Variants in CNTNAP2 observed in about 807,000 individuals in gnomAD.
CNTNAP2 encodes the protein contactin associated protein 2, also known as contactin-associated protein-like 2.
In CNTNAP2, 98 loss-of-function variants were observed where a neutral mutation model predicts 155.2. That is an observed-to-expected ratio of 0.63 (90% CI 0.54 to 0.75). The LOEUF (loss-of-function observed/expected upper bound fraction) is 0.75. Ranked by LOEUF, CNTNAP2 falls within the 30% of genes least tolerant of loss-of-function variation. The pLI is 0.00. For missense variants in CNTNAP2, 1,727 were observed against 1,688.1 expected, an observed-to-expected ratio of 1.02 and a Z score of -0.40; for synonymous variants, 651 against 631.2, an observed-to-expected ratio of 1.03 and a Z score of -0.47.
intron 8 of CNTNAP2, among the ~76,000 whole-genome samples, chr7:147,240,904 G>A (rs1316842274): frequency 4.6e-5 from 7 of 152,144 alleles, no homozygotes; most frequent in African/African-American, 7.2e-5. Flanking sequence ...ATATATTTGA[G>A]CCTTTTGGAT....
At chr7:146,987,888 T>C (rs1414645619) in intron 3 of CNTNAP2, among the ~76,000 whole-genome samples, 1 of 152,076 alleles carries the variant, frequency 6.6e-6, no homozygotes, top group East Asian at 1.9e-4. Context: ...CCTATAACAA[T>C]TGAGTGACTG....
At chr7:146,529,626 T>C (rs927475101) in intron 1 of CNTNAP2, among the ~76,000 whole-genome samples, 1 of 152,084 alleles carries the variant, frequency 6.6e-6, no homozygotes, top group African/African-American at 2.4e-5. Flanking sequence ...AAAGCAGTGC[T>C]AAGCTCACAT....
chr7:146,204,984 T>G (rs553247400), intron 1 of CNTNAP2, among the ~76,000 whole-genome samples: 2 of 152,182 alleles, frequency 1.3e-5, no homozygotes, highest in Admixed American at 1.3e-4. Context: ...TACTGAGGCA[T>G]TGACAGTAAT....
At chr7:146,291,992 T>A (rs937676156) in intron 1 of CNTNAP2, among the ~76,000 whole-genome samples, 7 of 152,034 alleles carry the variant, frequency 4.6e-5, no homozygotes, top group African/African-American at 1.2e-4. Flanking sequence ...TGATAAGGGG[T>A]TGATATCCCA....
intron 2 of CNTNAP2, among the ~76,000 whole-genome samples, chr7:146,824,947 C>A (rs1803371630): frequency 6.6e-6 from 1 of 150,978 alleles, no homozygotes; most frequent in South Asian, 2.1e-4. Flanking sequence ...TTCAGCTTGC[C>A]CTATGGGGGA....
intron 3 of CNTNAP2, among the ~76,000 whole-genome samples, chr7:146,897,583 A>AT (rs61317689): frequency 0.016 from 2,413 of 146,836 alleles, 27 homozygotes; most frequent in Non-Finnish European, 0.025. Context: ...CAGTACGCAG[A>AT]TTTTTTTTTT....
chr7:146,258,390 A>G (rs946057776), intron 1 of CNTNAP2, among the ~76,000 whole-genome samples: 2 of 152,150 alleles, frequency 1.3e-5, no homozygotes, highest in Non-Finnish European at 2.9e-5. Context: ...CTATTTTATT[A>G]TCTAAGTACA....
intron 8 of CNTNAP2, among the ~76,000 whole-genome samples, chr7:147,236,631 A>G (rs1263253869): frequency 1.3e-5 from 2 of 151,398 alleles, no homozygotes; most frequent in African/African-American, 4.9e-5. Flanking sequence ...AATTGTCTAA[A>G]TTGAGAGTGC....
At chr7:147,763,486 C>T (rs1389713975) in intron 13 of CNTNAP2, among the ~76,000 whole-genome samples, 1 of 150,416 alleles carries the variant, frequency 6.6e-6, no homozygotes, top group African/African-American at 2.5e-5. Context: ...GGCATGCCTT[C>T]TGACAGTTGC....
chr7:147,529,975 C>A (rs147323840), intron 11 of CNTNAP2, among the ~76,000 whole-genome samples: 7 of 152,072 alleles, frequency 4.6e-5, no homozygotes, highest in Non-Finnish European at 8.8e-5. Context: ...AAGAAAGGTC[C>A]AGAATGTTAT....
chr7:147,537,330 G>A (rs1245486552), intron 11 of CNTNAP2, among the ~76,000 whole-genome samples: 8 of 152,068 alleles, frequency 5.3e-5, no homozygotes, highest in East Asian at 1.9e-4. Flanking sequence ...GAATAAATCT[G>A]TATGCTTGGA....
intron 12 of CNTNAP2, among the ~76,000 whole-genome samples, chr7:147,609,775 A>T (rs1801147102): frequency 6.6e-6 from 1 of 152,154 alleles, no homozygotes; most frequent in Admixed American, 6.5e-5. Flanking sequence ...CTACAGGAGG[A>T]CATCACTGGA....
Position 147,346,281 on chromosome 7 carries a change from A to C in CNTNAP2, c.1498+45991A>C, listed in dbSNP as rs958157386. Among the ~76,000 whole-genome samples, 4 of 150,642 alleles carry C rather than the reference A, an allele frequency of 2.7e-5. No homozygotes were observed. In the East Asian group the frequency reaches 7.8e-4, roughly 29 times the overall value. Reference sequence around the variant, plus strand: ...GCCATTCTCCTGCCTCAGCCTCCCGAGTAGCTGGGACTACAGGCGCCCGCC... The same window carrying C: ...GCCATTCTCCTGCCTCAGCCTCCCGCGTAGCTGGGACTACAGGCGCCCGCC... On this transcript the variant is annotated intron_variant, in intron 9 of 23. Coordinates refer to ENST00000361727, the MANE Select transcript of CNTNAP2 (RefSeq NM_014141.6).
chr7:148,271,219 A>G lies in CNTNAP2; in HGVS notation c.3475+4093A>G, dbSNP rs570147109. Among the ~76,000 whole-genome samples the G allele has an allele frequency of 4.6e-5, 7 of 152,330 alleles. No individual in the cohort carries two copies. In the East Asian group the frequency reaches 1.4e-3, roughly 29 times the overall value. ...GACCATTGTTACCCTCGTTGTATAG[A>G]ATAAGGAGCTAAGGCTCAAAACTAT... On this transcript the variant is annotated intron_variant, in intron 21 of 23. Coordinates refer to ENST00000361727, the MANE Select transcript of CNTNAP2 (RefSeq NM_014141.6).
At chr7:148,249,792 T>G (rs1796334236) in intron 20 of CNTNAP2, among the ~76,000 whole-genome samples, 1 of 152,204 alleles carries the variant, frequency 6.6e-6, no homozygotes, top group Non-Finnish European at 1.5e-5. Context: ...CAGAACCTCA[T>G]GCTGGTTCTA....
At chr7:146,906,815 G>A (rs1434447983) in intron 3 of CNTNAP2, among the ~76,000 whole-genome samples, 5 of 151,170 alleles carry the variant, frequency 3.3e-5, no homozygotes, top group Admixed American at 2.0e-4. Context: ...TGACTTTGAC[G>A]AGCTGAGAGA....
At chr7:147,329,300 T>G (rs1457578242) in intron 9 of CNTNAP2, among the ~76,000 whole-genome samples, 1 of 152,072 alleles carries the variant, frequency 6.6e-6, no homozygotes, top group Non-Finnish European at 1.5e-5. Context: ...TATAACATTC[T>G]TATAAGTTAT....
intron 10 of CNTNAP2, among the ~76,000 whole-genome samples, chr7:147,418,523 A>G (rs1037720747): frequency 6.6e-6 from 1 of 152,166 alleles, no homozygotes; most frequent in Non-Finnish European, 1.5e-5. Flanking sequence ...AGTGGGGAAA[A>G]ATTTTCCTGC....
At chr7:146,512,332 G>T (rs1227022537) in intron 1 of CNTNAP2, among the ~76,000 whole-genome samples, 1 of 151,388 alleles carries the variant, frequency 6.6e-6, no homozygotes, top group African/African-American at 2.4e-5. Context: ...ACTAATTTTG[G>T]GTTTGGTTTA....
Sources: gnomAD v4.1 joint callset for allele counts (sites outside exome capture counted in the v4.1 genomes callset) on GRCh38, gnomAD v4.1.1 for gene constraint, MANE v1.5 for transcripts, NCBI Gene and HGNC (gene_info 2026-07-23, HGNC 2026-07-21) for gene names.